BICD2: variants seen among roughly 807,000 people sequenced by gnomAD.
BICD2 encodes the protein protein bicaudal D homolog 2.
In BICD2, 25 loss-of-function variants were observed where a neutral mutation model predicts 72.9. That is an observed-to-expected ratio of 0.34 (90% confidence interval 0.25 to 0.48). The LOEUF (loss-of-function observed/expected upper bound fraction) is 0.48, where lower values mean the gene tolerates loss of function less well. BICD2 is among the 20% of genes least tolerant of loss of function. BICD2 has a pLI of 0.99. For missense variants in BICD2, 894 were observed against 1,175.2 expected (o/e 0.76, Z 3.50); for synonymous variants, 501 against 516.1 (o/e 0.97, Z 0.40).
At position 92,720,526 on chromosome 9, in the gene BICD2, G is replaced by A. The variant is rs1244043289; in HGVS notation, c.836C>T (p.Ser279Leu). ...DSFYTSHLHV[S>L]LDGLKFSDDA... ...GTCACTGAACTTGAGGCCATCCAGC[G>A]AGACATGCAGGTGGCTGGTGTAGAA... The change falls in exon 4 of 7, where the codon TCG (serine) becomes TTG (leucine). Residue 279 changes from serine to leucine, a missense_variant. Coordinates refer to ENST00000356884, the MANE Select transcript of BICD2 (RefSeq NM_001003800.2). The surrounding 1 kb of genome is among the most constrained non-coding windows in gnomAD (Gnocchi z 5.4). The A allele has an allele frequency of 2.5e-6, 4 of 1,614,208 alleles. No individual in the cohort carries two copies. The highest frequency in any genetic ancestry group is 3.4e-6 in the Non-Finnish European group (4 of 1,180,026).
At chr9:92,746,247 A>G (rs1322597191) in intron 1 of BICD2, among the ~76,000 whole-genome samples, 2 of 152,174 alleles carry the variant, frequency 1.3e-5, no homozygotes, top group Non-Finnish European at 2.9e-5. Flanking sequence ...AGATGGAAGC[A>G]TTGGCCGGGC....
chr9:92,718,012 G>T, intron 5 of BICD2, 64 bp from the exon 6 acceptor site: 2 of 1,550,620 alleles, frequency 1.3e-6, no homozygotes, highest in Non-Finnish European at 8.7e-7. Context: ...GGTGCTCTGG[G>T]AGCAGGATCG....
chr9:92,728,657 CA>C (rs1429448753), intron 2 of BICD2, among the ~76,000 whole-genome samples: 1 of 152,232 alleles, frequency 6.6e-6, no homozygotes, highest in African/African-American at 2.4e-5. Context: ...ATTCCCAGGG[CA>C]GGGGGGAGTC....
Position 92,714,487 on chromosome 9 carries a change from C to T in BICD2, c.*667G>A. ...CTGATCTCAGAAATGAGAAACCGAGCTCTGGATTCCTGGGTTATGGTCAGC... is the reference window on the plus strand; with the variant it reads ...CTGATCTCAGAAATGAGAAACCGAGTTCTGGATTCCTGGGTTATGGTCAGC... On this transcript the variant is annotated 3_prime_UTR_variant, in exon 7 of 7. Transcript: ENST00000356884. 1 of 985,498 alleles carries T rather than the reference C, an allele frequency of 1.0e-6. No homozygotes were observed. 61.0% of individuals were successfully genotyped at this position (985,498 alleles called of 1,614,324 possible). A position where few individuals can be genotyped will look rare whatever the true frequency, so the allele number is the denominator to read the frequency against.
intron 1 of BICD2, among the ~76,000 whole-genome samples, chr9:92,749,994 C>A (rs1854115060): frequency 6.6e-6 from 1 of 152,256 alleles, no homozygotes; most frequent in Non-Finnish European, 1.5e-5. Flanking sequence ...ATGGCTGCAG[C>A]CCGGGTTTTC....
chr9:92,763,712 C>A (rs180847593), intron 1 of BICD2, among the ~76,000 whole-genome samples: 3 of 152,214 alleles, frequency 2.0e-5, no homozygotes, highest in East Asian at 1.9e-4. Context: ...TACTCTCCCC[C>A]CAGTGGGAAT....
chr9:92,713,506 G>A lies in BICD2; in HGVS notation c.*1648C>T, dbSNP rs1465242582. Reference sequence around the variant, plus strand: ...GAGCGTTAGAAAGCGGTCATCTGTCGCTTCCTGTTTATCTGACAATTGAAG... The same window carrying A: ...GAGCGTTAGAAAGCGGTCATCTGTCACTTCCTGTTTATCTGACAATTGAAG... On this transcript the variant is annotated 3_prime_UTR_variant, in exon 7 of 7. Coordinates refer to ENST00000356884, the MANE Select transcript of BICD2 (RefSeq NM_001003800.2). The A allele has an allele frequency of 2.4e-5, 38 of 1,573,122 alleles. No individual in the cohort carries two copies. The highest frequency in any genetic ancestry group is 3.0e-5 in the Non-Finnish European group (35 of 1,157,832).
At chr9:92,738,836 C>A (rs1853840530) in intron 1 of BICD2, among the ~76,000 whole-genome samples, 1 of 152,256 alleles carries the variant, frequency 6.6e-6, no homozygotes, top group South Asian at 2.1e-4. Flanking sequence ...CCAGCCGCAG[C>A]ATTCCAATGA....
At chr9:92,755,492 G>A (rs1009758708) in intron 1 of BICD2, among the ~76,000 whole-genome samples, 2 of 152,198 alleles carry the variant, frequency 1.3e-5, no homozygotes, top group African/African-American at 4.8e-5. Flanking sequence ...TTTGCGGCTT[G>A]TGGGGCATCA....
At chr9:92,746,892 AGGCAAATC>A (rs1854024875) in intron 1 of BICD2, among the ~76,000 whole-genome samples, 1 of 152,230 alleles carries the variant, frequency 6.6e-6, no homozygotes, top group East Asian at 1.9e-4. Context: ...GTGGTCTTAC[AGGCAAATC>A]ATACCTCAAT....
chr9:92,730,045 G>A (rs1853647630), intron 1 of BICD2, among the ~76,000 whole-genome samples: 1 of 152,174 alleles, frequency 6.6e-6, no homozygotes, highest in Admixed American at 6.5e-5. Context: ...GTACACCCCA[G>A]GCGAGTGGCC....
rs1236079044 is a variant in BICD2, at chr9:92,718,892, G to A, written c.1753C>T (p.Leu585Phe). ...GGAGCCAGCAGCCCCTTGGGTAGGA[G>A]GATGGGTGAGCGCCGGCCACGCGCC... ...PEARGRRSPI[L>F]LPKGLLAPEA... The change falls in exon 5 of 7, where the codon CTC (leucine) becomes TTC (phenylalanine). Residue 585 changes from leucine (L) to phenylalanine (F), a missense_variant. This residue lies in a region of BICD2 where 321 missense variants were observed against 443.9 expected (regional missense o/e 0.72). Coordinates refer to ENST00000356884, the MANE Select transcript of BICD2 (RefSeq NM_001003800.2). 3.8e-6 allele frequency: 6 copies of A among 1,599,966 alleles called. No individual in the cohort carries two copies. Among genetic ancestry groups the A allele is most frequent in the Non-Finnish European group, 5.1e-6 (6 of 1,174,104 alleles).
chr9:92,712,136 GTGGCGTTC>G lies in BICD2; in HGVS notation c.*3010_*3017del. 1 of 152,562 alleles carries G rather than the reference GTGGCGTTC, an allele frequency of 6.6e-6. No individual in the cohort carries two copies. Among genetic ancestry groups the G allele is most frequent in the East Asian group, 1.9e-4 (1 of 5,204 alleles). 9.5% of individuals were successfully genotyped at this position (152,562 alleles called of 1,614,324 possible). A position where few individuals can be genotyped will look rare whatever the true frequency, so the allele number is the denominator to read the frequency against. On this transcript the variant is annotated 3_prime_UTR_variant, in exon 7 of 7. Coordinates refer to ENST00000356884, the MANE Select transcript of BICD2 (RefSeq NM_001003800.2). ...CTGATACCCTCAGCTCTTCACAAAC[GTGGCGTTC>G]ATACAGCTTGCTCAGCTTGTCCCAG...
Position 92,717,237 on chromosome 9 carries a change from C to T in BICD2, c.2258+560G>A, listed in dbSNP as rs1427183784. ...TTCAAGGGGTGGGAGCCCAAGCATC[C>T]CCTGAAGCTATGCAACTCTGGCCCA... On this transcript the variant is annotated intron_variant, in intron 6 of 6. Transcript: ENST00000356884. Among the ~76,000 whole-genome samples, 4 of 152,210 alleles carry T rather than the reference C, an allele frequency of 2.6e-5. No homozygotes were observed. In the South Asian group the frequency reaches 6.2e-4, roughly 24 times the overall value.
chr9:92,738,126 A>G (rs1236823057), intron 1 of BICD2, among the ~76,000 whole-genome samples: 1 of 152,152 alleles, frequency 6.6e-6, no homozygotes, highest in Non-Finnish European at 1.5e-5. Flanking sequence ...TGGCTCTGCC[A>G]CTGGTCAGCT....
intron 3 of BICD2, among the ~76,000 whole-genome samples, chr9:92,722,270 G>A (rs1002071926): frequency 2.6e-5 from 4 of 152,186 alleles, no homozygotes; most frequent in Admixed American, 6.5e-5. Flanking sequence ...CAGACAGAGA[G>A]GACCTTCCTT....
chr9:92,716,466 C>T (rs1853315527), intron 6 of BICD2, among the ~76,000 whole-genome samples: 1 of 152,196 alleles, frequency 6.6e-6, no homozygotes, highest in Non-Finnish European at 1.5e-5. Context: ...TCTGGCACGT[C>T]CTGCAGGGAT....
chr9:92,737,126 A>C (rs1001153310), intron 1 of BICD2, among the ~76,000 whole-genome samples: 4 of 152,180 alleles, frequency 2.6e-5, no homozygotes, highest in Admixed American at 1.3e-4. Context: ...CTCTGAAATA[A>C]GCTGCAGGGG....
chr9:92,747,323 C>T (rs1466370756), intron 1 of BICD2, among the ~76,000 whole-genome samples: 2 of 152,236 alleles, frequency 1.3e-5, no homozygotes, highest in East Asian at 3.9e-4. Flanking sequence ...AGAGGCTGGG[C>T]AGCTCTGTGG....
Sources: gnomAD v4.1 joint callset for allele counts (sites outside exome capture counted in the v4.1 genomes callset) on GRCh38, gnomAD v4.1.1 for gene constraint, gnomAD v4.1.1 regional missense constraint, Gnocchi (gnomAD v3.1) non-coding constraint, MANE v1.5 for transcripts, NCBI Gene and HGNC (gene_info 2026-07-23, HGNC 2026-07-21) for gene names.